The following PLB1 variants were observed in gnomAD, a reference collection of about 807,000 sequenced individuals.
PLB1 encodes phospholipase B1.
In PLB1, 242 loss-of-function variants were observed where a neutral mutation model predicts 227.4. The observed-to-expected ratio is 1.06, with a 90% CI of 0.96 to 1.18. The LOEUF (loss-of-function observed/expected upper bound fraction) is 1.18. Ranked by LOEUF, PLB1 falls within the 50% of genes most tolerant of loss-of-function variation. PLB1 has a pLI of 0.00. For synonymous variants in PLB1, 757 were observed against 682.2 expected (o/e 1.11, Z -1.71); for missense variants, 1,858 against 1,816.3 (o/e 1.02, Z -0.42).
chr2:28,570,683 G>A (rs369994010), intron 20 of PLB1, among the ~76,000 whole-genome samples: 1 of 152,230 alleles, frequency 6.6e-6, no homozygotes, highest in Non-Finnish European at 1.5e-5. Flanking sequence ...CTGCATGGGA[G>A]GCTGAGGCAT....
At position 28,518,460 on chromosome 2, in the gene PLB1, T is replaced by C; in HGVS notation, c.118-6T>C. The C allele has an allele frequency of 6.2e-7, 1 of 1,608,870 alleles. No individual in the cohort carries two copies. Among genetic ancestry groups the C allele is most frequent in the Non-Finnish European group, 8.5e-7 (1 of 1,175,254 alleles). On this transcript the variant is annotated splice_region_variant and splice_polypyrimidine_tract_variant and intron_variant, in intron 2 of 57. Coordinates refer to ENST00000327757, the MANE Select transcript of PLB1 (RefSeq NM_153021.5). Reference sequence around the variant, plus strand: ...TGATGTTTCTGATGTTCGTTTTCAATTGCAGACCCTGAAGAATTCTCCATT... The same window carrying C: ...TGATGTTTCTGATGTTCGTTTTCAACTGCAGACCCTGAAGAATTCTCCATT...
At chr2:28,612,325 C>T (rs1052178640) in intron 43 of PLB1, among the ~76,000 whole-genome samples, 19 of 152,160 alleles carry the variant, frequency 1.2e-4, no homozygotes, top group African/African-American at 3.1e-4. Flanking sequence ...CTTCCTTTCC[C>T]GCTGTCTGAC....
At position 28,541,764 on chromosome 2, in the gene PLB1, G is replaced by A. The variant is rs778756062; in HGVS notation, c.832G>A (p.Val278Met). The A allele has an allele frequency of 2.2e-5, 36 of 1,613,898 alleles. No homozygotes were observed. Among genetic ancestry groups the A allele is most frequent in the Non-Finnish European group, 2.7e-5 (32 of 1,180,022 alleles). Residue 278 changes from valine to methionine, a missense_variant, in exon 13 of 58, where the codon GTG becomes ATG. By Grantham distance (21) the Val-to-Met change is conservative (BLOSUM62 1). Coordinates refer to ENST00000327757, the MANE Select transcript of PLB1 (RefSeq NM_153021.5). ...SRYSEQESFT[V>M]VFQPFFYETT... Reference sequence around the variant, plus strand: ...GTACAGTGAGCAGGAGTCCTTCACCGTGGTTTTCCAGCCTTTCTTCTATGA... The same window carrying A: ...GTACAGTGAGCAGGAGTCCTTCACCATGGTTTTCCAGCCTTTCTTCTATGA...
chr2:28,565,336 C>G lies in PLB1; in HGVS notation c.1263C>G (p.Tyr421Ter), dbSNP rs1676705055. 1.2e-6 allele frequency: 2 copies of G among 1,609,948 alleles called. No individual in the cohort carries two copies. Among genetic ancestry groups the G allele is most frequent in the South Asian group, 2.2e-5 (2 of 89,618 alleles). ...ACGTCTTGGACGTCTTGACTCAGTA[C>G]CGAGGCCTGTCCTGGAGGTGAGTGA... is the stretch of plus-strand genomic sequence containing the variant. ...PGNVLDVLTQYRGLSWSVGGD... is the reference protein window; with the variant it reads ...PGNVLDVLTQ The change falls in exon 19 of 58, where the codon TAC becomes TAG. Residue 421 changes from tyrosine (Y) to a stop codon, truncating the protein, a stop_gained. Transcript: ENST00000327757. LOFTEE classifies it high-confidence loss of function.
rs182265209 is a variant in PLB1 at position 28,500,927 on chromosome 2, G to A, written c.55+4758G>A. On this transcript the variant is annotated intron_variant, in intron 1 of 57. Transcript: ENST00000327757. ...TTTTTAAGCACTTTTAAACTTCATG[G>A]TACAAGATTTTCCCTGCTAACCTTG... Among the ~76,000 whole-genome samples the A allele has an allele frequency of 9.2e-5, 14 of 152,152 alleles. No homozygotes were observed. The East Asian group carries it at 2.1e-3, about 23-fold the overall frequency.
intron 16 of PLB1, among the ~76,000 whole-genome samples, chr2:28,551,905 C>T (rs1173496306): frequency 6.6e-6 from 1 of 152,138 alleles, no homozygotes; most frequent in African/African-American, 2.4e-5. Context: ...CTGCTGTGTA[C>T]CACTAGAATG....
chr2:28,591,238 GC>G, intron 30 of PLB1, 67 bp downstream of exon 30: 1 of 1,589,214 alleles, frequency 6.3e-7, no homozygotes, highest in South Asian at 1.1e-5. Flanking sequence ...GCTGGGACAG[GC>G]CCAACAGGAC....
At chr2:28,549,062 A>G (rs1673770673) in intron 15 of PLB1, 131 bp downstream of exon 15, 4 of 780,422 alleles carry the variant, frequency 5.1e-6, no homozygotes, top group Non-Finnish European at 6.5e-6. Context: ...GGGCCTGCAC[A>G]CAGTTTTGCA....
chr2:28,519,345 C>T (rs1311629179), intron 3 of PLB1, among the ~76,000 whole-genome samples: 2 of 152,204 alleles, frequency 1.3e-5, no homozygotes, highest in African/African-American at 2.4e-5. Flanking sequence ...GTGTTGTCCT[C>T]TCATTCGTGG....
chr2:28,543,641 G>A (rs775950933), intron 14 of PLB1, among the ~76,000 whole-genome samples: 4 of 152,182 alleles, frequency 2.6e-5, no homozygotes, highest in Non-Finnish European at 5.9e-5. Context: ...GGTGTTGTGC[G>A]GTTGTCAAGG....
intron 1 of PLB1, among the ~76,000 whole-genome samples, chr2:28,501,258 C>A (rs1206719804): frequency 6.6e-6 from 1 of 152,164 alleles, no homozygotes; most frequent in Non-Finnish European, 1.5e-5. Flanking sequence ...AATGAATTTA[C>A]TCACTTACTG....
intron 41 of PLB1, among the ~76,000 whole-genome samples, chr2:28,605,286 C>T (rs1684509359): frequency 6.6e-6 from 1 of 152,128 alleles, no homozygotes; most frequent in South Asian, 2.1e-4. Context: ...GTGAGTGGAC[C>T]AGGTGAGGAC....
chr2:28,619,519 G>GTTTT (rs776491318), intron 46 of PLB1, among the ~76,000 whole-genome samples: 4 of 124,608 alleles, frequency 3.2e-5, no homozygotes, highest in African/African-American at 1.3e-4. Flanking sequence ...AAATTTCAAG[G>GTTTT]TTTTGTTTTT....
At chr2:28,505,095 G>C (rs558339705) in intron 1 of PLB1, among the ~76,000 whole-genome samples, 2 of 152,276 alleles carry the variant, frequency 1.3e-5, no homozygotes, top group South Asian at 4.1e-4. Context: ...TCTATGATAA[G>C]CACAGTTCAT....
chr2:28,523,682 C>T (rs1231731474), intron 4 of PLB1, among the ~76,000 whole-genome samples: 1 of 152,188 alleles, frequency 6.6e-6, no homozygotes, highest in Non-Finnish European at 1.5e-5. Flanking sequence ...CCACCCTCTC[C>T]TCCAATCAAG....
chr2:28,548,598 TATAA>T, intron 14 of PLB1: 3 of 538,144 alleles, frequency 5.6e-6, no homozygotes, highest in Non-Finnish European at 1.1e-5. Flanking sequence ...TATATATATA[TATAA>T]AACCGATGCT....
intron 5 of PLB1, 60 bp downstream of exon 5, chr2:28,525,367 T>G (rs983027834): frequency 4.5e-5 from 70 of 1,544,122 alleles, no homozygotes; most frequent in Non-Finnish European, 8.0e-6. Context: ...CATCTAATCT[T>G]CTTGCCTTAT....
chr2:28,630,586 G>C lies in PLB1; in HGVS notation c.3819G>C (p.Gln1273His), dbSNP rs368971800. The C allele has an allele frequency of 3.6e-5, 58 of 1,613,228 alleles. No individual in the cohort carries two copies. The highest frequency in any genetic ancestry group is 1.2e-5 in the Non-Finnish European group (14 of 1,179,520). The change falls in exon 54 of 58, where the codon CAG (glutamine) becomes CAC (histidine). Residue 1273 changes from glutamine to histidine, a missense_variant and splice_region_variant. Physicochemically the swap from Gln to His is conservative, Grantham distance 24 (BLOSUM62 0). Coordinates refer to ENST00000327757, the MANE Select transcript of PLB1 (RefSeq NM_153021.5). Reference sequence around the variant, plus strand: ...CAATACAACACTCCCTGTCTCACAGGAACAACTGCACTTGCCTCAGACACT... The same window carrying C: ...CAATACAACACTCCCTGTCTCACAGCAACAACTGCACTTGCCTCAGACACT... ...QGGKCAMLAA[Q>H]NNCTCLRHSQ...
chr2:28,597,919 T>C (rs994217980), intron 33 of PLB1, 86 bp from the exon 34 acceptor site: 2 of 1,298,294 alleles, frequency 1.5e-6, no homozygotes, highest in East Asian at 2.3e-5. Context: ...CTAAGAAGGG[T>C]GGGGGCTGCT....
Sources: gnomAD v4.1 joint callset for allele counts (sites outside exome capture counted in the v4.1 genomes callset) on GRCh38, gnomAD v4.1.1 for gene constraint, MANE v1.5 for transcripts, NCBI Gene and HGNC (gene_info 2026-07-23, HGNC 2026-07-21) for gene names.